DGKB: variants seen among roughly 807,000 people sequenced by gnomAD.
DGKB encodes diacylglycerol kinase beta, also known as 90 kDa diacylglycerol kinase.
In DGKB, 67 loss-of-function variants were observed where a neutral mutation model predicts 114.3. The ratio of observed to expected loss-of-function variants is 0.59; its 90% CI spans 0.48 to 0.72. The LOEUF is 0.72. Among genes scored for constraint, DGKB ranks in the 30% least tolerant of loss-of-function variants. DGKB has a pLI of 0.00. For missense variants in DGKB, 907 were observed against 975.2 expected, an observed-to-expected ratio of 0.93 and a Z score of 0.93; for synonymous variants, 398 against 323.1, an observed-to-expected ratio of 1.23 and a Z score of -2.49.
intron 2 of DGKB, among the ~76,000 whole-genome samples, chr7:14,833,358 G>A (rs1281030333): frequency 6.6e-6 from 1 of 151,456 alleles, no homozygotes; most frequent in Admixed American, 6.6e-5. Flanking sequence ...AATTAATATT[G>A]AAGATATTGA....
intron 2 of DGKB, among the ~76,000 whole-genome samples, chr7:14,758,168 A>G (rs559404164): frequency 4.6e-5 from 7 of 152,182 alleles, no homozygotes; most frequent in African/African-American, 1.7e-4. Flanking sequence ...TACGAATAAC[A>G]TTTTAGTTTT....
intron 5 of DGKB, among the ~76,000 whole-genome samples, chr7:14,733,322 A>C (rs1831186225): frequency 6.6e-6 from 1 of 152,212 alleles, no homozygotes. Context: ...TATCATGTGG[A>C]ATATGTACAC....
At chr7:14,486,536 G>A (rs963757878) in intron 20 of DGKB, among the ~76,000 whole-genome samples, 22 of 152,144 alleles carry the variant, frequency 1.4e-4, no homozygotes, top group African/African-American at 4.8e-4. Flanking sequence ...ATCCAGGAAC[G>A]TAAGAACCTG....
intron 2 of DGKB, among the ~76,000 whole-genome samples, chr7:14,818,067 A>T (rs1248103285): frequency 6.6e-6 from 1 of 152,182 alleles, no homozygotes; most frequent in Non-Finnish European, 1.5e-5. Flanking sequence ...TTGGGTACAC[A>T]AATTATGACT....
Position 14,703,820 on chromosome 7 carries a change from A to G in DGKB, c.467-2090T>C, listed in dbSNP as rs117297506. Among the ~76,000 whole-genome samples, 636 of 152,338 alleles carry G rather than the reference A, an allele frequency of 4.2e-3. 3 individuals carry two copies. Among genetic ancestry groups the G allele is most frequent in the Non-Finnish European group, 6.7e-3 (455 of 68,030 alleles). ...TGCTCCTAAATATCGCTTAAAAATA[A>G]TAACATGCTTTATTAAAAACAACCA... is the stretch of plus-strand genomic sequence containing the variant. On this transcript the variant is annotated intron_variant, in intron 6 of 25. Transcript: ENST00000402815.
At chr7:14,729,162 GC>G (rs1281156570) in intron 5 of DGKB, among the ~76,000 whole-genome samples, 1 of 117,224 alleles carries the variant, frequency 8.5e-6, no homozygotes, top group Non-Finnish European at 1.7e-5. Flanking sequence ...TCACTCTGTT[GC>G]CCAGGCTGGA....
At chr7:14,685,529 C>G (rs753380787) in intron 9 of DGKB, among the ~76,000 whole-genome samples, 167 bp from the exon 10 acceptor site, 4 of 152,118 alleles carry the variant, frequency 2.6e-5, no homozygotes, top group Non-Finnish European at 4.4e-5. Flanking sequence ...CACATGTGCT[C>G]CAGTGAAATG....
At chr7:14,647,174 T>A (rs957806957) in intron 13 of DGKB, among the ~76,000 whole-genome samples, 22 of 152,204 alleles carry the variant, frequency 1.4e-4, no homozygotes, top group African/African-American at 5.3e-4. Flanking sequence ...GAAACTGTTA[T>A]GAACAACTAT....
At chr7:14,181,119 T>C (rs1421662049) in intron 23 of DGKB, among the ~76,000 whole-genome samples, 2 of 152,172 alleles carry the variant, frequency 1.3e-5, no homozygotes, top group African/African-American at 4.8e-5. Context: ...TCAGTGCCCA[T>C]CAATTAGTCT....
chr7:14,228,981 C>T (rs894656061), intron 23 of DGKB, among the ~76,000 whole-genome samples: 3 of 150,966 alleles, frequency 2.0e-5, no homozygotes, highest in Admixed American at 6.6e-5. Flanking sequence ...TAAATTTGAA[C>T]ATATAAATTT....
At chr7:14,801,290 T>C (rs1470726772) in intron 2 of DGKB, among the ~76,000 whole-genome samples, 2 of 152,180 alleles carry the variant, frequency 1.3e-5, no homozygotes, top group Non-Finnish European at 2.9e-5. Flanking sequence ...GGCAGAATTA[T>C]GATCTTGTTA....
chr7:14,601,177 C>T (rs1383725230), intron 17 of DGKB, among the ~76,000 whole-genome samples: 4 of 152,194 alleles, frequency 2.6e-5, no homozygotes, highest in African/African-American at 9.6e-5. Context: ...GCTCTGGTTG[C>T]ACTGAGGCTC....
At chr7:14,754,001 C>G (rs1249410537) in intron 3 of DGKB, 53 bp from the exon 4 acceptor site, 1 of 1,159,938 alleles carries the variant, frequency 8.6e-7, no homozygotes, top group Non-Finnish European at 1.3e-6. Context: ...ATACTTTATA[C>G]TCATTATCTC....
At chr7:14,636,250 G>A (rs1454206512) in intron 13 of DGKB, among the ~76,000 whole-genome samples, 1 of 151,632 alleles carries the variant, frequency 6.6e-6, no homozygotes, top group Admixed American at 6.6e-5. Context: ...TATCAGTTCT[G>A]AGTTATAGAC....
chr7:14,964,009 T>G (rs1023299768), intron 1 of DGKB, among the ~76,000 whole-genome samples: 1 of 151,948 alleles, frequency 6.6e-6, no homozygotes, highest in African/African-American at 2.4e-5. Context: ...TCAGAAAAAT[T>G]TGCAGTGGGA....
intron 21 of DGKB, among the ~76,000 whole-genome samples, chr7:14,404,780 AT>A (rs1823672103): frequency 6.6e-6 from 1 of 151,392 alleles, no homozygotes; most frequent in Non-Finnish European, 1.5e-5. Flanking sequence ...GTCTTCTTGA[AT>A]TGCTCCTCCT....
At chr7:14,313,464 G>A (rs1361444986) in intron 23 of DGKB, among the ~76,000 whole-genome samples, 1 of 152,194 alleles carries the variant, frequency 6.6e-6, no homozygotes, top group East Asian at 1.9e-4. Context: ...CACTCGGGAA[G>A]CGCAAGGGGT....
intron 17 of DGKB, among the ~76,000 whole-genome samples, chr7:14,585,887 G>T (rs552624919): frequency 6.6e-6 from 1 of 152,276 alleles, no homozygotes; most frequent in African/African-American, 2.4e-5. Flanking sequence ...ATGTAAGACA[G>T]AGAACATAAT....
intron 21 of DGKB, among the ~76,000 whole-genome samples, chr7:14,413,609 A>G (rs1825244482): frequency 6.6e-6 from 1 of 152,046 alleles, no homozygotes; most frequent in Non-Finnish European, 1.5e-5. Context: ...AGCGGGATAG[A>G]GTAGGAGATA....
Sources: gnomAD v4.1 joint callset for allele counts (sites outside exome capture counted in the v4.1 genomes callset) on GRCh38, gnomAD v4.1.1 for gene constraint, MANE v1.5 for transcripts, NCBI Gene and HGNC (gene_info 2026-07-23, HGNC 2026-07-21) for gene names.